The following MSH3 variants were observed in gnomAD, a reference collection of about 807,000 sequenced individuals.
MSH3 encodes DNA mismatch repair protein Msh3.
A neutral mutation model predicts 123.3 loss-of-function variants in MSH3; 106 were observed. That is an observed-to-expected ratio of 0.86 (90% confidence interval 0.73 to 1.01). The LOEUF is 1.01. Among genes scored for constraint, MSH3 ranks in the 50% least tolerant of loss-of-function variants. The pLI is 0.00. For missense variants in MSH3, 1,459 were observed against 1,347.6 expected, an observed-to-expected ratio of 1.08 and a Z score of -1.29; for synonymous variants, 515 against 481.4, an observed-to-expected ratio of 1.07 and a Z score of -0.91.
intron 8 of MSH3, among the ~76,000 whole-genome samples, chr5:80,709,483 G>T (rs1343130144): frequency 6.6e-6 from 1 of 151,902 alleles, no homozygotes; most frequent in Non-Finnish European, 1.5e-5. Flanking sequence ...TTAGCCTAGC[G>T]CAGTGGCGGG....
chr5:80,771,526 C>G (rs1395368145), intron 15 of MSH3, among the ~76,000 whole-genome samples: 1 of 150,740 alleles, frequency 6.6e-6, no homozygotes, highest in African/African-American at 2.4e-5. Flanking sequence ...TTTAGAGGTA[C>G]TTAAAGGACT....
chr5:80,767,647 T>G (rs1252451380), intron 13 of MSH3, among the ~76,000 whole-genome samples: 1 of 152,154 alleles, frequency 6.6e-6, no homozygotes, highest in Non-Finnish European at 1.5e-5. Context: ...TTTTTTAACT[T>G]GTTTAACCTA....
intron 6 of MSH3, among the ~76,000 whole-genome samples, chr5:80,673,726 TG>T (rs1207314688): frequency 3.9e-5 from 6 of 152,218 alleles, no homozygotes; most frequent in Non-Finnish European, 8.8e-5. Flanking sequence ...GAATTTTCAA[TG>T]TGCATAATGA....
At chr5:80,693,602 T>TATATGC (rs1561446182) in intron 8 of MSH3, among the ~76,000 whole-genome samples, 3 of 44,310 alleles carry the variant, frequency 6.8e-5, no homozygotes, top group African/African-American at 2.7e-4. Context: ...TATATAAACA[T>TATATGC]ACATATATAC....
At position 80,813,663 on chromosome 5, in the gene MSH3, T is replaced by G. The variant is rs1580066484; in HGVS notation, c.2735T>G (p.Ile912Ser). The change falls in exon 20 of 24, where the codon ATT (isoleucine) becomes AGT (serine). Residue 912 changes from isoleucine (I) to serine (S), a missense_variant. By Grantham distance (142) the Ile-to-Ser change is moderately radical. Transcript: ENST00000265081. ...KSSYIKQVAL[I>S]TIMAQIGSYV... ...TCCTACATAAAACAAGTTGCATTGA[T>G]TACCATCATGGCTCAGATTGGCTCC... is the stretch of plus-strand genomic sequence containing the variant. 2 of 1,614,172 alleles carry G rather than the reference T, an allele frequency of 1.2e-6. No individual in the cohort carries two copies. Among genetic ancestry groups the G allele is most frequent in the Non-Finnish European group, 8.5e-7 (1 of 1,180,016 alleles).
At chr5:80,865,327 C>T (rs1746081129) in intron 22 of MSH3, among the ~76,000 whole-genome samples, 2 of 152,110 alleles carry the variant, frequency 1.3e-5, no homozygotes, top group African/African-American at 4.8e-5. Context: ...CCAATATTTT[C>T]CCCAAAATAT....
chr5:80,785,808 G>A (rs932520223), intron 17 of MSH3, among the ~76,000 whole-genome samples: 3 of 152,122 alleles, frequency 2.0e-5, no homozygotes, highest in Admixed American at 2.0e-4. Flanking sequence ...ATACTATGCA[G>A]CCATAAAAAA....
In MSH3 at chr5:80,824,901, C is replaced by T. The variant is rs184472664; in HGVS notation, c.2813+11160C>T. 2.1e-4 allele frequency among the ~76,000 whole-genome samples: 32 copies of T among 152,224 alleles called. No individual in the cohort carries two copies. The East Asian group carries it at 3.5e-3, about 17-fold the overall frequency. On this transcript the variant is annotated intron_variant, in intron 20 of 23. Coordinates refer to ENST00000265081, the MANE Select transcript of MSH3 (RefSeq NM_002439.5). ...TGATTTCTTTAACCTCTGAGAGCTC[C>T]GTCTGGGACAGACTGCCCTTTAGTA...
At chr5:80,874,763 C>T (rs952429800) in intron 23 of MSH3, among the ~76,000 whole-genome samples, 3 of 151,944 alleles carry the variant, frequency 2.0e-5, no homozygotes, top group African/African-American at 7.3e-5. Context: ...TGCTATATAG[C>T]CTATAAAGCA....
At position 80,772,310 on chromosome 5, in the gene MSH3, A is replaced by G. The variant is rs3797894; in HGVS notation, c.2253+3307A>G. Among the ~76,000 whole-genome samples, 5 of 152,338 alleles carry G rather than the reference A, an allele frequency of 3.3e-5. No individual in the cohort carries two copies. In the East Asian group the frequency reaches 7.7e-4, roughly 23 times the overall value. ...TGTTACATCTGAGTACTTTTTACTT[A>G]GATTTAAAATATAGTAAAACATCCT... On this transcript the variant is annotated intron_variant, in intron 15 of 23. Coordinates refer to ENST00000265081, the MANE Select transcript of MSH3 (RefSeq NM_002439.5).
chr5:80,848,046 C>A (rs147449756), intron 20 of MSH3, among the ~76,000 whole-genome samples: 257 of 152,226 alleles, frequency 1.7e-3, no homozygotes, highest in African/African-American at 6.0e-3. Context: ...GCCTGGGCAA[C>A]ATGGTGGAAC....
At chr5:80,765,087 C>T (rs1744101099) in intron 13 of MSH3, among the ~76,000 whole-genome samples, 1 of 152,156 alleles carries the variant, frequency 6.6e-6, no homozygotes, top group Non-Finnish European at 1.5e-5. Flanking sequence ...CTTGTAGCTT[C>T]TTTTGAGTTC....
At chr5:80,874,388 A>C (rs1203385381) in intron 23 of MSH3, among the ~76,000 whole-genome samples, 4 of 152,042 alleles carry the variant, frequency 2.6e-5, no homozygotes, top group African/African-American at 9.7e-5. Flanking sequence ...CTCTAGTGAC[A>C]CTCTTTTCTG....
intron 8 of MSH3, among the ~76,000 whole-genome samples, chr5:80,701,152 G>A (rs1750601380): frequency 6.6e-6 from 1 of 152,104 alleles, no homozygotes; most frequent in Non-Finnish European, 1.5e-5. Context: ...AAATATTAAA[G>A]TAGTCTTTAT....
At chr5:80,874,389 C>T (rs983908059) in intron 23 of MSH3, among the ~76,000 whole-genome samples, 5 of 152,178 alleles carry the variant, frequency 3.3e-5, no homozygotes, top group African/African-American at 1.2e-4. Flanking sequence ...TCTAGTGACA[C>T]TCTTTTCTGG....
intron 17 of MSH3, among the ~76,000 whole-genome samples, chr5:80,784,488 A>G (rs987840907): frequency 2.6e-5 from 4 of 152,128 alleles, no homozygotes; most frequent in African/African-American, 7.2e-5. Flanking sequence ...CAGGCATGCA[A>G]TGTGAAATAA....
At chr5:80,823,644 A>C (rs1045580883) in intron 20 of MSH3, among the ~76,000 whole-genome samples, 2 of 151,120 alleles carry the variant, frequency 1.3e-5, no homozygotes, top group Admixed American at 1.3e-4. Context: ...ATGGAGCTTT[A>C]AAAAAAATAC....
intron 17 of MSH3, among the ~76,000 whole-genome samples, chr5:80,782,798 AT>A (rs765219473): frequency 5.9e-5 from 9 of 152,232 alleles, no homozygotes; most frequent in Non-Finnish European, 1.2e-4. Context: ...CATTAAAAAA[AT>A]GATTAACCTC....
intron 20 of MSH3, among the ~76,000 whole-genome samples, chr5:80,847,051 C>T (rs561973301): frequency 5.4e-4 from 82 of 151,872 alleles, no homozygotes; most frequent in African/African-American, 1.8e-3. Flanking sequence ...ATCTTGGAAG[C>T]GACCCTTAAT....
Sources: gnomAD v4.1 joint callset for allele counts (sites outside exome capture counted in the v4.1 genomes callset) on GRCh38, gnomAD v4.1.1 for gene constraint, MANE v1.5 for transcripts, NCBI Gene and HGNC (gene_info 2026-07-23, HGNC 2026-07-21) for gene names.